The following CNTNAP5 variants were observed in gnomAD, a reference collection of about 807,000 sequenced individuals.
CNTNAP5 encodes the protein contactin associated protein family member 5.
Under a neutral mutation model 150.2 loss-of-function variants are expected in CNTNAP5, and 72 were observed. The observed-to-expected ratio is 0.48, with a 90% CI of 0.40 to 0.58. CNTNAP5 has a LOEUF of 0.58. Ranked by LOEUF, CNTNAP5 falls within the 20% of genes least tolerant of loss-of-function variation. The pLI is 0.00. For missense variants in CNTNAP5, 1,636 were observed against 1,626.2 expected, an observed-to-expected ratio of 1.01 and a Z score of -0.10; for synonymous variants, 672 against 619.8, an observed-to-expected ratio of 1.08 and a Z score of -1.25.
intron 19 of CNTNAP5, among the ~76,000 whole-genome samples, chr2:124,816,282 C>T (rs1055407960): frequency 1.1e-4 from 17 of 152,232 alleles, no homozygotes; most frequent in African/African-American, 4.1e-4. Flanking sequence ...AAGGTATCAG[C>T]TGGGATGTGG....
intron 11 of CNTNAP5, among the ~76,000 whole-genome samples, chr2:124,569,595 G>A (rs1244972501): frequency 6.6e-6 from 1 of 152,116 alleles, no homozygotes; most frequent in Non-Finnish European, 1.5e-5. Flanking sequence ...TGATCTTCTC[G>A]ATGTTTATGT....
intron 12 of CNTNAP5, among the ~76,000 whole-genome samples, chr2:124,615,601 G>A (rs892735323): frequency 6.6e-6 from 1 of 152,076 alleles, no homozygotes; most frequent in East Asian, 1.9e-4. Flanking sequence ...AATCATCCAT[G>A]AGGACTGGAA....
At chr2:124,857,188 G>A (rs553684582) in intron 19 of CNTNAP5, among the ~76,000 whole-genome samples, 12 of 152,174 alleles carry the variant, frequency 7.9e-5, no homozygotes, top group East Asian at 1.9e-4. Context: ...ACTTCAACTC[G>A]TGCAGCTCTA....
At chr2:124,072,107 A>G (rs1682319457) in intron 1 of CNTNAP5, among the ~76,000 whole-genome samples, 1 of 152,066 alleles carries the variant, frequency 6.6e-6, no homozygotes, top group Non-Finnish European at 1.5e-5. Context: ...GATACATCTT[A>G]TCAGCAGAAT....
intron 3 of CNTNAP5, among the ~76,000 whole-genome samples, chr2:124,369,769 TCGGA>T (rs1690472059): frequency 1.3e-5 from 2 of 152,150 alleles, no homozygotes; most frequent in African/African-American, 4.8e-5. Context: ...AAAATCTTCA[TCGGA>T]CAAATGCAAG....
intron 11 of CNTNAP5, among the ~76,000 whole-genome samples, chr2:124,568,100 C>T (rs1242500542): frequency 6.6e-6 from 1 of 152,172 alleles, no homozygotes; most frequent in African/African-American, 2.4e-5. Flanking sequence ...TTCAAACAAG[C>T]AAGGCATTTG....
intron 3 of CNTNAP5, among the ~76,000 whole-genome samples, chr2:124,404,520 A>C (rs10182664): frequency 9.2e-4 from 140 of 152,342 alleles, no homozygotes; most frequent in African/African-American, 3.2e-3. Flanking sequence ...GTCAAGGAAG[A>C]GCATCAGCAC....
chr2:124,887,748 C>T (rs1160611978), intron 21 of CNTNAP5, among the ~76,000 whole-genome samples: 1 of 152,060 alleles, frequency 6.6e-6, no homozygotes, highest in Non-Finnish European at 1.5e-5. Flanking sequence ...TGTTTTACCA[C>T]ATTTTCATTC....
At chr2:124,199,398 A>C (rs1362662759) in intron 1 of CNTNAP5, among the ~76,000 whole-genome samples, 1 of 138,690 alleles carries the variant, frequency 7.2e-6, no homozygotes, top group Non-Finnish European at 1.5e-5. Flanking sequence ...ATTTTGTTAC[A>C]TTTATTCCAA....
chr2:124,379,874 G>A (rs186668923), intron 3 of CNTNAP5, among the ~76,000 whole-genome samples: 149 of 152,226 alleles, frequency 9.8e-4, no homozygotes, highest in Middle Eastern at 3.4e-3. Flanking sequence ...TCAAGGAGAG[G>A]AGAGGGTGAA....
At chr2:124,850,984 A>G (rs949476529) in intron 19 of CNTNAP5, among the ~76,000 whole-genome samples, 5 of 152,236 alleles carry the variant, frequency 3.3e-5, no homozygotes, top group Non-Finnish European at 5.9e-5. Flanking sequence ...TAAATTAAAA[A>G]GAGGCATTAG....
At chr2:124,188,269 C>G (rs1685377914) in intron 1 of CNTNAP5, among the ~76,000 whole-genome samples, 1 of 152,172 alleles carries the variant, frequency 6.6e-6, no homozygotes, top group African/African-American at 2.4e-5. Context: ...ACAGTAGTAA[C>G]AAGGTTTATG....
At chr2:124,096,784 A>T (rs1682943682) in intron 1 of CNTNAP5, among the ~76,000 whole-genome samples, 1 of 151,832 alleles carries the variant, frequency 6.6e-6, no homozygotes, top group South Asian at 2.1e-4. Flanking sequence ...ACTCACTGCA[A>T]CCTCCATCTC....
chr2:124,802,584 C>A (rs1369459024), intron 19 of CNTNAP5, among the ~76,000 whole-genome samples: 1 of 152,040 alleles, frequency 6.6e-6, no homozygotes, highest in Non-Finnish European at 1.5e-5. Flanking sequence ...TGAGTCTGGA[C>A]GGTTGGAGGA....
chr2:124,914,262 G>T lies in CNTNAP5; in HGVS notation c.3898G>T (p.Glu1300Ter). Reference protein sequence around the residue: ...NEIDLQNTVSECKREYFI With the variant: ...NEIDLQNTVS ...AATTGACTTGCAAAACACAGTGAGC[G>T]AGTGTAAACGGGAATATTTCATCTG... The change falls in exon 24 of 24, where the codon GAG (glutamate) becomes TAG (stop). Residue 1300 changes from glutamate to a stop codon, truncating the protein, a stop_gained. Coordinates refer to ENST00000682447, the MANE Select transcript of CNTNAP5 (RefSeq NM_001367498.1). LOFTEE classifies it high-confidence loss of function. 6.2e-7 allele frequency: 1 copy of T among 1,611,832 alleles called. No homozygotes were observed. The highest frequency in any genetic ancestry group is 8.5e-7 in the Non-Finnish European group (1 of 1,178,594).
intron 11 of CNTNAP5, among the ~76,000 whole-genome samples, chr2:124,570,234 G>A (rs1372481637): frequency 2.0e-5 from 3 of 152,180 alleles, no homozygotes; most frequent in Middle Eastern, 3.2e-3. Flanking sequence ...TCAAGTTACT[G>A]TAGCAAGAGC....
chr2:124,117,603 T>G (rs1483821098), intron 1 of CNTNAP5, among the ~76,000 whole-genome samples: 1 of 152,174 alleles, frequency 6.6e-6, no homozygotes, highest in East Asian at 1.9e-4. Flanking sequence ...TAACACTGTA[T>G]TTTCTAATCA....
intron 7 of CNTNAP5, among the ~76,000 whole-genome samples, chr2:124,495,181 T>C (rs1694116180): frequency 1.3e-5 from 2 of 152,194 alleles, no homozygotes; most frequent in Non-Finnish European, 2.9e-5. Context: ...TTCATATACA[T>C]ATACCATAAT....
intron 5 of CNTNAP5, among the ~76,000 whole-genome samples, chr2:124,439,872 C>T (rs915003960): frequency 6.6e-6 from 1 of 152,138 alleles, no homozygotes; most frequent in African/African-American, 2.4e-5. Flanking sequence ...TCTACAGCTC[C>T]CTGTTTTCCA....
Sources: allele counts gnomAD v4.1 joint callset (sites outside exome capture counted in the v4.1 genomes callset), GRCh38; gene constraint gnomAD v4.1.1; transcripts MANE v1.5; gene names NCBI Gene and HGNC (gene_info 2026-07-23, HGNC 2026-07-21).